Variants in PSD3 observed in about 807,000 individuals in gnomAD.
PSD3 encodes the protein pleckstrin and Sec7 domain containing 3.
A neutral mutation model predicts 105.5 loss-of-function variants in PSD3; 49 were observed. The ratio of observed to expected loss-of-function variants is 0.46; its 90% CI spans 0.37 to 0.59. The LOEUF is 0.59. PSD3 is among the 20% of genes least tolerant of loss of function. The probability of loss-of-function intolerance (pLI) is 0.00; values close to 1 mark genes in which losing one functional copy is unlikely to be tolerated. For synonymous variants in PSD3, 557 were observed against 457.8 expected, an observed-to-expected ratio of 1.22 and a Z score of -2.77; for missense variants, 1,561 against 1,263.8, an observed-to-expected ratio of 1.24 and a Z score of -3.57.
At chr8:18,666,113 C>G (rs1244651190) in intron 9 of PSD3, among the ~76,000 whole-genome samples, 2 of 152,072 alleles carry the variant, frequency 1.3e-5, no homozygotes, top group African/African-American at 4.8e-5. Context: ...CAGTGTGGCA[C>G]GATCTCCACT....
At chr8:18,582,327 T>C (rs1351199715) in intron 12 of PSD3, among the ~76,000 whole-genome samples, 1 of 152,122 alleles carries the variant, frequency 6.6e-6, no homozygotes, top group African/African-American at 2.4e-5. Flanking sequence ...CACTCTCCAA[T>C]TCCCTATCTT....
intron 4 of PSD3, chr8:18,849,705 ATC>A (rs1815414154): frequency 6.6e-6 from 1 of 152,206 alleles, no homozygotes; most frequent in Admixed American, 6.5e-5. Context: ...TCTGCAATGA[ATC>A]TCTGAGGTGG....
intron 2 of PSD3, among the ~76,000 whole-genome samples, chr8:18,919,418 T>A (rs1445295119): frequency 6.6e-6 from 1 of 152,110 alleles, no homozygotes; most frequent in African/African-American, 2.4e-5. Context: ...CAAGCAGCCA[T>A]CCAAGGACTA....
intron 11 of PSD3, among the ~76,000 whole-genome samples, chr8:18,615,719 T>G (rs1046119503): frequency 1.3e-5 from 2 of 152,200 alleles, no homozygotes; most frequent in Non-Finnish European, 2.9e-5. Context: ...GGTTAAATCA[T>G]CGCAGTCTAT....
chr8:18,957,535 C>CATT (rs76281596), intron 1 of PSD3, among the ~76,000 whole-genome samples: 152,282 of 152,284 alleles, frequency 1, 76,140 homozygotes, highest in Non-Finnish European at 1. Context: ...TCCCTCCAGT[C>CATT]ACTAGCATTG....
chr8:18,910,365 T>C (rs1315036183), intron 2 of PSD3, among the ~76,000 whole-genome samples: 1 of 132,400 alleles, frequency 7.6e-6, no homozygotes, highest in Admixed American at 8.0e-5. Flanking sequence ...GAAACCATCA[T>C]TCTCAGTAAA....
chr8:18,769,323 T>C (rs2129444116), intron 8 of PSD3, among the ~76,000 whole-genome samples: 1 of 152,336 alleles, frequency 6.6e-6, no homozygotes, highest in African/African-American at 2.4e-5. Context: ...ATTCAACTGC[T>C]TGTAACATTA....
At chr8:18,698,435 A>G (rs1040860501) in intron 9 of PSD3, among the ~76,000 whole-genome samples, 5 of 152,102 alleles carry the variant, frequency 3.3e-5, no homozygotes, top group African/African-American at 1.2e-4. Context: ...CGTTCTTACA[A>G]AAGAGGTTGG....
intron 1 of PSD3, among the ~76,000 whole-genome samples, chr8:18,984,057 T>TATA (rs968226311): frequency 6.8e-6 from 1 of 146,554 alleles, no homozygotes. Flanking sequence ...TAACAATAGG[T>TATA]ATAATAATAA....
rs1006762764 is a variant in PSD3 at position 18,661,891 on chromosome 8, C to T, written c.2173-6206G>A. ...ACCCACTGGACAGTTTTCACATGCC[C>T]AAGTTTAAAGAGCGCCACATTAGAG... On this transcript the variant is annotated intron_variant, in intron 9 of 15. Coordinates refer to ENST00000327040, the MANE Select transcript of PSD3 (RefSeq NM_015310.4). 2.0e-5 allele frequency among the ~76,000 whole-genome samples: 3 copies of T among 152,106 alleles called. No homozygotes were observed. The East Asian group carries it at 5.8e-4, about 29-fold the overall frequency.
intron 2 of PSD3, among the ~76,000 whole-genome samples, chr8:18,933,647 T>C (rs894477084): frequency 3.3e-5 from 5 of 152,110 alleles, no homozygotes; most frequent in African/African-American, 4.8e-5. Context: ...TTTATATTTT[T>C]AGTAGAGACA....
At chr8:18,898,461 T>C (rs756742812) in intron 2 of PSD3, among the ~76,000 whole-genome samples, 8 of 152,148 alleles carry the variant, frequency 5.3e-5, no homozygotes, top group Non-Finnish European at 8.8e-5. Flanking sequence ...AATGTCTTTT[T>C]CCATACTTTC....
At chr8:18,676,923 A>G (rs79206558) in intron 9 of PSD3, among the ~76,000 whole-genome samples, 3,651 of 152,312 alleles carry the variant, frequency 0.024, 177 homozygotes, top group East Asian at 0.15. Flanking sequence ...TTTCCATTAC[A>G]TGGGAAGCCA....
At chr8:18,561,400 C>T (rs1377530373) in intron 14 of PSD3, among the ~76,000 whole-genome samples, 1 of 152,048 alleles carries the variant, frequency 6.6e-6, no homozygotes, top group Non-Finnish European at 1.5e-5. Context: ...ATTGGATGAT[C>T]TCATATATGG....
intron 1 of PSD3, among the ~76,000 whole-genome samples, chr8:19,055,500 G>A (rs554510761): frequency 1.6e-4 from 25 of 152,174 alleles, no homozygotes; most frequent in Non-Finnish European, 2.6e-4. Flanking sequence ...TGATTCACCC[G>A]CCTCGGCCTC....
intron 1 of PSD3, among the ~76,000 whole-genome samples, chr8:18,941,185 G>C (rs1049267131): frequency 6.6e-6 from 1 of 152,028 alleles, no homozygotes; most frequent in East Asian, 1.9e-4. Context: ...TTGTTTTTAC[G>C]AACATAAATC....
intron 2 of PSD3, among the ~76,000 whole-genome samples, 167 bp downstream of exon 2, chr8:18,935,867 T>C (rs967018554): frequency 6.6e-6 from 1 of 152,190 alleles, no homozygotes; most frequent in African/African-American, 2.4e-5. Context: ...AAGAATTACA[T>C]GAAATATTTG....
Position 18,568,937 on chromosome 8 carries a change from A to G in PSD3, c.2784+3591T>C, listed in dbSNP as rs558946043. ...TGATCTCACTGTTCAGTTCCCACCT[A>G]TGAGTGAGAATATGTGGTGTTTGGT... On this transcript the variant is annotated intron_variant, in intron 14 of 15. Coordinates refer to ENST00000327040, the MANE Select transcript of PSD3 (RefSeq NM_015310.4). 4.7e-5 allele frequency among the ~76,000 whole-genome samples: 7 copies of G among 148,046 alleles called. No homozygotes were observed. The Admixed American group carries it at 4.8e-4, about 10-fold the overall frequency.
intron 3 of PSD3, among the ~76,000 whole-genome samples, chr8:18,870,673 G>A (rs1344405525): frequency 1.4e-5 from 2 of 141,006 alleles, no homozygotes; most frequent in Non-Finnish European, 3.0e-5. Context: ...AGAACCTAAA[G>A]TATAATTTAC....
Sources: allele counts gnomAD v4.1 joint callset (sites outside exome capture counted in the v4.1 genomes callset), GRCh38; gene constraint gnomAD v4.1.1; transcripts MANE v1.5; gene names NCBI Gene and HGNC (gene_info 2026-07-23, HGNC 2026-07-21).